Variants in LOXHD1 observed in about 807,000 individuals in gnomAD.
The protein encoded by LOXHD1 is lipoxygenase homology PLAT domains 1.
LOXHD1 carries 205 observed loss-of-function variants against 248.2 expected under a neutral mutation model. That is an observed-to-expected ratio of 0.83 (90% CI 0.74 to 0.93). LOXHD1 has a LOEUF of 0.93. LOXHD1 is among the 40% of genes least tolerant of loss of function. The probability of loss-of-function intolerance (pLI) is 0.00; values close to 1 mark genes in which losing one functional copy is unlikely to be tolerated. For synonymous variants in LOXHD1, 1,113 were observed against 1,162.8 expected, an observed-to-expected ratio of 0.96 and a Z score of 0.87; for missense variants, 2,930 against 2,971.6, an observed-to-expected ratio of 0.99 and a Z score of 0.33.
chr18:46,501,360 A>T (rs2143817913), intron 37 of LOXHD1, among the ~76,000 whole-genome samples: 1 of 152,280 alleles, frequency 6.6e-6, no homozygotes, highest in East Asian at 1.9e-4. Context: ...ATTTAGTGCC[A>T]TGTTTTCACA....
intron 21 of LOXHD1, among the ~76,000 whole-genome samples, chr18:46,548,048 A>T (rs2036924782): frequency 6.6e-6 from 1 of 152,226 alleles, no homozygotes; most frequent in African/African-American, 2.4e-5. Flanking sequence ...GCCTGGCTCA[A>T]TGTAGGCTCT....
At chr18:46,556,028 T>A (rs993180415) in intron 21 of LOXHD1, among the ~76,000 whole-genome samples, 2 of 151,606 alleles carry the variant, frequency 1.3e-5, no homozygotes, top group Non-Finnish European at 2.9e-5. Context: ...AGGAAAAATC[T>A]AAGGAAGGAT....
chr18:46,503,121 C>T (rs2034338483), intron 37 of LOXHD1, among the ~76,000 whole-genome samples: 2 of 152,196 alleles, frequency 1.3e-5, no homozygotes, highest in African/African-American at 4.8e-5. Flanking sequence ...GGCATGATTC[C>T]TATCCTCAAA....
intron 6 of LOXHD1, among the ~76,000 whole-genome samples, chr18:46,607,351 A>ATACATATATACATATATG (rs1171093050): frequency 6.8e-5 from 10 of 148,036 alleles, no homozygotes; most frequent in East Asian, 3.9e-4. Context: ...GTACATATAC[A>ATACATATATACATATATG]TACATATATA....
chr18:46,558,183 A>G (rs1163827481), intron 20 of LOXHD1: 1 of 440,108 alleles, frequency 2.3e-6, no homozygotes, highest in African/African-American at 2.2e-5. Context: ...TAGATTCTGC[A>G]CTTATTTGTA....
intron 4 of LOXHD1, among the ~76,000 whole-genome samples, chr18:46,624,692 T>C (rs903805546): frequency 3.9e-5 from 6 of 152,160 alleles, no homozygotes; most frequent in African/African-American, 1.4e-4. Flanking sequence ...GTACCAGCTC[T>C]TCCATGGCCT....
intron 12 of LOXHD1, among the ~76,000 whole-genome samples, chr18:46,583,639 A>G (rs568182462): frequency 1.7e-4 from 26 of 152,300 alleles, no homozygotes; most frequent in African/African-American, 6.3e-4. Flanking sequence ...CCATAGTGAA[A>G]TATACCATCT....
Position 46,477,331 on chromosome 18 carries a change from A to T in LOXHD1, c.*141T>A. 1 of 1,124,988 alleles carries T rather than the reference A, an allele frequency of 8.9e-7. No individual in the cohort carries two copies. Among genetic ancestry groups the T allele is most frequent in the Non-Finnish European group, 1.3e-6 (1 of 762,920 alleles). 69.7% of individuals were successfully genotyped at this position (1,124,988 alleles called of 1,614,324 possible). Reference sequence around the variant, plus strand: ...TCAATAAACTGGGGGTAGGGTGGGGAGCAGGACCCCATGAAGTTCTCAGTG... The same window carrying T: ...TCAATAAACTGGGGGTAGGGTGGGGTGCAGGACCCCATGAAGTTCTCAGTG... On this transcript the variant is annotated 3_prime_UTR_variant, in exon 41 of 41. Coordinates refer to ENST00000642948, the MANE Select transcript of LOXHD1 (RefSeq NM_001384474.1).
intron 16 of LOXHD1, among the ~76,000 whole-genome samples, chr18:46,568,564 AG>A (rs1199628866): frequency 6.6e-6 from 1 of 152,154 alleles, no homozygotes; most frequent in Non-Finnish European, 1.5e-5. Context: ...CCAACACCTG[AG>A]GGTAGGGCTT....
chr18:46,482,950 C>A (rs1387416088), intron 40 of LOXHD1, among the ~76,000 whole-genome samples: 3 of 152,320 alleles, frequency 2.0e-5, no homozygotes, highest in Admixed American at 2.0e-4. Flanking sequence ...TTCCTGCCTT[C>A]CAGAGCCTCA....
At chr18:46,557,248 C>T (rs535882971) in intron 21 of LOXHD1, 108 bp downstream of exon 21, 25 of 1,314,260 alleles carry the variant, frequency 1.9e-5, no homozygotes, top group Non-Finnish European at 2.6e-5. Context: ...CCCTCACCCT[C>T]CACCGTCACA....
intron 34 of LOXHD1, among the ~76,000 whole-genome samples, chr18:46,512,639 G>T (rs966254450): frequency 2.6e-5 from 4 of 152,174 alleles, no homozygotes; most frequent in African/African-American, 4.8e-5. Context: ...TACTGATGGG[G>T]CTCCATGGCC....
chr18:46,519,298 A>T (rs1236392431), intron 33 of LOXHD1, among the ~76,000 whole-genome samples: 1 of 152,140 alleles, frequency 6.6e-6, no homozygotes, highest in Non-Finnish European at 1.5e-5. Context: ...AGGCTGCTAC[A>T]TTCCTCTATC....
chr18:46,533,618 C>T, intron 27 of LOXHD1: 1 of 369,392 alleles, frequency 2.7e-6, no homozygotes, highest in Admixed American at 4.2e-5. Context: ...GGGGGGTGCT[C>T]TGTATTTAAA....
At chr18:46,652,524 C>T (rs982132993) in intron 1 of LOXHD1, among the ~76,000 whole-genome samples, 1 of 152,094 alleles carries the variant, frequency 6.6e-6, no homozygotes, top group African/African-American at 2.4e-5. Context: ...GCCATGTACC[C>T]ACCAGAATGG....
chr18:46,477,339 C>G lies in LOXHD1; in HGVS notation c.*133G>C. Reference sequence around the variant, plus strand: ...CTGGGGGTAGGGTGGGGAGCAGGACCCCATGAAGTTCTCAGTGGACTGCTA... The same window carrying G: ...CTGGGGGTAGGGTGGGGAGCAGGACGCCATGAAGTTCTCAGTGGACTGCTA... On this transcript the variant is annotated 3_prime_UTR_variant, in exon 41 of 41. Transcript: ENST00000642948. 1 of 1,210,260 alleles carries G rather than the reference C, an allele frequency of 8.3e-7. No individual in the cohort carries two copies. Among genetic ancestry groups the G allele is most frequent in the Non-Finnish European group, 1.2e-6 (1 of 841,662 alleles). 75.0% of individuals were successfully genotyped at this position (1,210,260 alleles called of 1,614,324 possible).
At chr18:46,562,328 A>G (rs2037546688) in intron 18 of LOXHD1, among the ~76,000 whole-genome samples, 1 of 152,216 alleles carries the variant, frequency 6.6e-6, no homozygotes, top group African/African-American at 2.4e-5. Context: ...GCAGAAACAC[A>G]AGGCACCCAG....
chr18:46,542,444 G>A lies in LOXHD1; in HGVS notation c.3748+283C>T, dbSNP rs190182879. On this transcript the variant is annotated intron_variant, in intron 24 of 40. Coordinates refer to ENST00000642948, the MANE Select transcript of LOXHD1 (RefSeq NM_001384474.1). The stretch of plus-strand genomic sequence containing the variant: ...ACTCAAAGAACTACTGAGTTAGATC[G>A]GAGATTTTCATATCTGGCTGTGCAT... Among the ~76,000 whole-genome samples, 17 of 152,288 alleles carry A rather than the reference G, an allele frequency of 1.1e-4. No individual in the cohort carries two copies. The East Asian group carries it at 2.1e-3, about 19-fold the overall frequency.
Position 46,566,355 on chromosome 18 carries a change from T to C in LOXHD1, c.2339A>G (p.Gln780Arg). 2 of 1,551,820 alleles carry C rather than the reference T, an allele frequency of 1.3e-6. No homozygotes were observed. Among genetic ancestry groups the C allele is most frequent in the Non-Finnish European group, 1.7e-6 (2 of 1,147,034 alleles). The change falls in exon 17 of 41, where the codon CAG becomes CGG. Residue 780 changes from glutamine (Q) to arginine (R), a missense_variant. Gln to Arg is a conservative substitution (Grantham distance 43). Coordinates refer to ENST00000642948, the MANE Select transcript of LOXHD1 (RefSeq NM_001384474.1). Reference protein sequence around the residue: ...VQIRVPRQGKQYTFPANRWLD... With the variant: ...VQIRVPRQGKRYTFPANRWLD... ...CCAGCGGTTGGCGGGAAAGGTGTAC[T>C]GCTTGCCTTGACGGGGCACACGGAT...
Sources: allele counts gnomAD v4.1 joint callset (sites outside exome capture counted in the v4.1 genomes callset), GRCh38; gene constraint gnomAD v4.1.1; transcripts MANE v1.5; gene names NCBI Gene and HGNC (gene_info 2026-07-23, HGNC 2026-07-21).